TXNRD1: variants seen among roughly 807,000 people sequenced by gnomAD.
The protein encoded by TXNRD1 is thioredoxin reductase 1, cytoplasmic.
In TXNRD1, 57 loss-of-function variants were observed where a neutral mutation model predicts 80.3. The ratio of observed to expected loss-of-function variants is 0.71; its 90% confidence interval spans 0.57 to 0.89. The LOEUF is 0.89. Ranked by LOEUF, TXNRD1 falls within the 40% of genes least tolerant of loss-of-function variation. The pLI, the probability that TXNRD1 is intolerant of heterozygous loss-of-function variation, is 0.00. For synonymous variants in TXNRD1, 291 were observed against 285.2 expected (o/e 1.02, Z -0.20); for missense variants, 730 against 803.0 (o/e 0.91, Z 1.10).
rs371475933 is a variant in TXNRD1 at position 104,222,251 on chromosome 12, A to C, written c.91+6358A>C. Among the ~76,000 whole-genome samples the C allele has an allele frequency of 1.1e-3, 168 of 152,284 alleles. 3 individuals are homozygous for C. The South Asian group carries it at 0.021, about 19-fold the overall frequency. On this transcript the variant is annotated intron_variant, in intron 1 of 16. Transcript: ENST00000525566. Reference sequence around the variant, plus strand: ...AAGATGGTGTCTTTTGAATGTATAGAAGTGGCTGGGACAGAAAACAGTTTT... The same window carrying C: ...AAGATGGTGTCTTTTGAATGTATAGCAGTGGCTGGGACAGAAAACAGTTTT...
chr12:104,277,965 C>T (rs1046309951), intron 3 of TXNRD1, among the ~76,000 whole-genome samples: 1 of 151,590 alleles, frequency 6.6e-6, no homozygotes, highest in Non-Finnish European at 1.5e-5. Context: ...CAACCTCCGC[C>T]TCCCGGGTTC....
rs753731319 is a variant in TXNRD1, at chr12:104,304,062, A to G, written c.415-7228A>G. 7 of 1,613,778 alleles carry G rather than the reference A, an allele frequency of 4.3e-6. No homozygotes were observed. The East Asian group carries it at 8.9e-5, about 21-fold the overall frequency. On this transcript the variant is annotated intron_variant, in intron 4 of 16. Coordinates refer to ENST00000525566, the MANE Select transcript of TXNRD1 (RefSeq NM_001093771.3). ...GAGAAGTGCCGCAGCATCCGCAGGC[A>G]GTACCGGCAGCTCATGTACTGCGTG...
chr12:104,238,109 T>C (rs1158019411), intron 1 of TXNRD1, among the ~76,000 whole-genome samples: 1 of 152,190 alleles, frequency 6.6e-6, no homozygotes, highest in Non-Finnish European at 1.5e-5. Flanking sequence ...TCAAGGATTA[T>C]TGGTAAAATG....
At chr12:104,340,010 C>T (rs1024683489) in intron 16 of TXNRD1, among the ~76,000 whole-genome samples, 2 of 152,208 alleles carry the variant, frequency 1.3e-5, no homozygotes, top group Non-Finnish European at 2.9e-5. Flanking sequence ...ACTGGTTGTT[C>T]TGTCTGTTCA....
intron 14 of TXNRD1, 29 bp from the exon 15 acceptor site, chr12:104,334,208 G>T (rs1017966783): frequency 1.6e-6 from 2 of 1,247,364 alleles, no homozygotes; most frequent in Non-Finnish European, 2.2e-6. Flanking sequence ...AAAATAATGG[G>T]TCTAAATTTT....
chr12:104,246,881 A>G (rs2033008058), intron 1 of TXNRD1, among the ~76,000 whole-genome samples: 1 of 151,882 alleles, frequency 6.6e-6, no homozygotes, highest in Non-Finnish European at 1.5e-5. Flanking sequence ...GGTCTATCTA[A>G]TCTCTTTTAC....
chr12:104,220,582 G>C lies in TXNRD1; in HGVS notation c.91+4689G>C, dbSNP rs577203644. Among the ~76,000 whole-genome samples the C allele has an allele frequency of 3.3e-5, 5 of 152,126 alleles. No homozygotes were observed. In the East Asian group the frequency reaches 7.7e-4, roughly 24 times the overall value. ...CTACTAAAAAAATACAAAATTAGCT[G>C]GGCGTGGTAGCACACACCTGTAATC... On this transcript the variant is annotated intron_variant, in intron 1 of 16. Coordinates refer to ENST00000525566, the MANE Select transcript of TXNRD1 (RefSeq NM_001093771.3).
chr12:104,301,621 G>A (rs1407711477), intron 4 of TXNRD1, among the ~76,000 whole-genome samples: 1 of 152,250 alleles, frequency 6.6e-6, no homozygotes. Flanking sequence ...ACAGGCGTGA[G>A]CCACCGTGCC....
At chr12:104,320,915 G>A (rs1013944930) in intron 9 of TXNRD1, among the ~76,000 whole-genome samples, 176 bp from the exon 10 acceptor site, 32 of 152,214 alleles carry the variant, frequency 2.1e-4, no homozygotes, top group Non-Finnish European at 2.2e-4. Flanking sequence ...TGAGTGGCAA[G>A]AAAGGGTATC....
intron 3 of TXNRD1, among the ~76,000 whole-genome samples, chr12:104,279,495 T>C (rs540800725): frequency 3.3e-5 from 5 of 152,076 alleles, no homozygotes; most frequent in African/African-American, 1.2e-4. Flanking sequence ...GAGGAGAAGT[T>C]TGGGTGAGAT....
At chr12:104,314,738 CTTTTTTTTT>C (rs11330431) in intron 6 of TXNRD1, among the ~76,000 whole-genome samples, 4 of 103,666 alleles carry the variant, frequency 3.9e-5, no homozygotes, top group African/African-American at 1.6e-4. Flanking sequence ...AAATTTTTTT[CTTTTTTTTT>C]TTTTTTTTTT....
intron 5 of TXNRD1, 129 bp downstream of exon 5, chr12:104,311,541 C>G (rs1464124030): frequency 8.2e-7 from 1 of 1,225,002 alleles, no homozygotes; most frequent in Non-Finnish European, 1.1e-6. Context: ...TGCACATTAA[C>G]TTGGGCAGGA....
intron 7 of TXNRD1, among the ~76,000 whole-genome samples, chr12:104,316,535 G>A (rs552849845): frequency 3.3e-5 from 5 of 152,226 alleles, no homozygotes; most frequent in South Asian, 2.1e-4. Context: ...GATTACGGGC[G>A]CCTGCCACCA....
chr12:104,304,214 G>T, intron 4 of TXNRD1: 1 of 1,614,046 alleles, frequency 6.2e-7, no homozygotes, highest in African/African-American at 1.3e-5. Flanking sequence ...CCGGTTTCTT[G>T]TTATGGCTTC....
intron 1 of TXNRD1, chr12:104,225,015 A>G (rs2032441516): frequency 2.5e-6 from 1 of 407,370 alleles, no homozygotes; most frequent in Admixed American, 2.9e-5. Context: ...GAAAGAGGGG[A>G]TAACACCAAA....
intron 4 of TXNRD1, chr12:104,304,494 A>C (rs1393826556): frequency 6.2e-7 from 1 of 1,613,926 alleles, no homozygotes; most frequent in Non-Finnish European, 8.5e-7. Context: ...CCCCGACTTG[A>C]ACACCAGAAA....
At chr12:104,264,277 A>G (rs772663050) in intron 3 of TXNRD1, among the ~76,000 whole-genome samples, 1 of 152,226 alleles carries the variant, frequency 6.6e-6, no homozygotes, top group Non-Finnish European at 1.5e-5. Context: ...TCACGGGTGG[A>G]CAAAGGTAGT....
chr12:104,334,204 A>C lies in TXNRD1; in HGVS notation c.1651-33A>C. On this transcript the variant is annotated intron_variant, in intron 14 of 16. Transcript: ENST00000525566. ...TTTGACAGACTTAATGTTTAAAATA[A>C]TGGGTCTAAATTTTGCTTTTGTATC... is the stretch of plus-strand genomic sequence containing the variant. The C allele has an allele frequency of 3.4e-6, 4 of 1,174,650 alleles. No homozygotes were observed. The Middle Eastern group carries it at 6.0e-4, about 175-fold the overall frequency. The allele number at this position is 1,174,650 out of a possible 1,614,324, so 72.8% of individuals were successfully genotyped here.
At chr12:104,263,748 T>C (rs2033417571) in intron 3 of TXNRD1, among the ~76,000 whole-genome samples, 1 of 152,158 alleles carries the variant, frequency 6.6e-6, no homozygotes, top group Non-Finnish European at 1.5e-5. Flanking sequence ...GTCACTAGCT[T>C]AGGGGTTCTG....
Sources: gnomAD v4.1 joint callset for allele counts (sites outside exome capture counted in the v4.1 genomes callset) on GRCh38, gnomAD v4.1.1 for gene constraint, MANE v1.5 for transcripts, NCBI Gene and HGNC (gene_info 2026-07-23, HGNC 2026-07-21) for gene names.